The following CAMSAP1 variants were observed in gnomAD, a reference collection of about 807,000 sequenced individuals.
CAMSAP1 encodes the protein calmodulin-regulated spectrin-associated protein 1.
CAMSAP1 carries 58 observed loss-of-function variants against 143.5 expected under a neutral mutation model. That is an observed-to-expected ratio of 0.40 (90% CI 0.33 to 0.50). The LOEUF is 0.50. CAMSAP1 is among the 20% of genes least tolerant of loss of function. The probability of loss-of-function intolerance (pLI) is 0.45; values close to 1 mark genes in which losing one functional copy is unlikely to be tolerated. For missense variants in CAMSAP1, 1,969 were observed against 2,115.7 expected, an observed-to-expected ratio of 0.93 and a Z score of 1.36; for synonymous variants, 945 against 859.3, an observed-to-expected ratio of 1.10 and a Z score of -1.74.
intron 3 of CAMSAP1, among the ~76,000 whole-genome samples, chr9:135,875,600 C>T (rs1036905560): frequency 2.0e-5 from 3 of 152,168 alleles, no homozygotes; most frequent in East Asian, 1.9e-4. Context: ...ACACAAAGAT[C>T]GGTGGAACCG....
intron 7 of CAMSAP1, among the ~76,000 whole-genome samples, chr9:135,848,840 C>G (rs898864996): frequency 6.6e-6 from 1 of 152,226 alleles, no homozygotes; most frequent in African/African-American, 2.4e-5. Flanking sequence ...TGAGGATACA[C>G]CACAGGAATG....
chr9:135,815,151 G>T lies in CAMSAP1; in HGVS notation c.4452C>A (p.Ser1484=). The part of the protein sequence containing the change: ...SNKPIIHNAI[S]HCCLAGKVNE... ...TCACTTTTCCAGCCAGGCAGCAATGGGATATGGCATTGTGAATAATCGGCT... is the reference window on the plus strand; with the variant it reads ...TCACTTTTCCAGCCAGGCAGCAATGTGATATGGCATTGTGAATAATCGGCT... Residue 1484 remains serine, a synonymous_variant, in exon 16 of 17, where the codon TCC becomes TCA. Coordinates refer to ENST00000389532, the MANE Select transcript of CAMSAP1 (RefSeq NM_015447.4). 6.2e-7 allele frequency: 1 copy of T among 1,613,910 alleles called. No individual in the cohort carries two copies. Among genetic ancestry groups the T allele is most frequent in the Non-Finnish European group, 8.5e-7 (1 of 1,179,876 alleles).
intron 16 of CAMSAP1, among the ~76,000 whole-genome samples, chr9:135,812,885 G>A (rs985448413): frequency 3.9e-5 from 6 of 152,036 alleles, no homozygotes; most frequent in Admixed American, 3.3e-4. Flanking sequence ...AGTCTGGAGG[G>A]GTGGAGGTTG....
chr9:135,898,541 A>AT (rs1202414043), intron 1 of CAMSAP1, among the ~76,000 whole-genome samples: 1 of 152,166 alleles, frequency 6.6e-6, no homozygotes, highest in Admixed American at 6.5e-5. Context: ...CAAAACTAAA[A>AT]TTTAATTTTT....
rs1835030994 is a variant in CAMSAP1, at chr9:135,811,055, G to C, written c.*254C>G. The C allele has an allele frequency of 1.9e-6, 1 of 530,266 alleles. No homozygotes were observed. The highest frequency in any genetic ancestry group is 3.2e-5 in the Admixed American group (1 of 31,060). 32.8% of individuals were successfully genotyped at this position (530,266 alleles called of 1,614,324 possible). A position where few individuals can be genotyped will look rare whatever the true frequency, so the allele number is the denominator to read the frequency against. On this transcript the variant is annotated 3_prime_UTR_variant, in exon 17 of 17. Coordinates refer to ENST00000389532, the MANE Select transcript of CAMSAP1 (RefSeq NM_015447.4). This position sits in a 1 kb window ranked among gnomAD's most constrained non-coding sequence, Gnocchi z 4.9. ...AGTGGTCAGCAGTGGCCACAGCAGTGCGAGCCACTGCAAAAGCGGCATCTA... is the reference window on the plus strand; with the variant it reads ...AGTGGTCAGCAGTGGCCACAGCAGTCCGAGCCACTGCAAAAGCGGCATCTA...
intron 4 of CAMSAP1, chr9:135,865,296 C>T: frequency 1.9e-6 from 3 of 1,549,338 alleles, no homozygotes; most frequent in Non-Finnish European, 2.6e-6. Context: ...CAGGATGGCT[C>T]TGTAGATGGC....
Position 135,827,435 on chromosome 9 carries a change from A to G in CAMSAP1, c.1195T>C (p.Tyr399His), listed in dbSNP as rs114870456. ...TATTCAGGTTCTTCCGGGTGCAGGT[A>G]GTGCCTGTGACAGCCTTCCGCCGGC... ...QLPAEGCHRH[Y>H]LHPEEPEYLG... The change falls in exon 8 of 17, where the codon TAC becomes CAC. Residue 399 changes from tyrosine to histidine, a missense_variant. Transcript: ENST00000389532. 1,885 of 1,588,302 alleles carry G rather than the reference A, an allele frequency of 1.2e-3. 15 individuals carry two copies. In the African/African-American group the frequency reaches 0.022, roughly 18 times the overall value.
In CAMSAP1 at chr9:135,866,483, C is replaced by G; in HGVS notation, c.639G>C (p.Gln213His). Residue 213 changes from glutamine (Q) to histidine (H), a missense_variant, in exon 4 of 17, where the codon CAG (glutamine) becomes CAC (histidine). Around this residue, in one of 4 missense-constraint regions of CAMSAP1, gnomAD observed 221 missense variants for 298.2 expected, o/e 0.74. Transcript: ENST00000389532. ...ITEKEVKLKQ[Q>H]LLESPAHQKV... ...TTTGATGAGCTGGACTTTCCAATAA[C>G]TGTTGTTTTAATTTAACTTCTTTCT... 1 of 1,478,464 alleles carries G rather than the reference C, an allele frequency of 6.8e-7. No individual in the cohort carries two copies. The highest frequency in any genetic ancestry group is 9.3e-7 in the Non-Finnish European group (1 of 1,080,540). 91.6% of individuals were successfully genotyped at this position (1,478,464 alleles called of 1,614,324 possible).
intron 1 of CAMSAP1, among the ~76,000 whole-genome samples, chr9:135,897,112 G>A (rs545582094): frequency 6.6e-6 from 1 of 152,114 alleles, no homozygotes; most frequent in Non-Finnish European, 1.5e-5. Context: ...GAGGATTCCA[G>A]AAACAAAATA....
chr9:135,827,715 T>C (rs1835728188), intron 7 of CAMSAP1, 131 bp from the exon 8 acceptor site: 8 of 819,310 alleles, frequency 9.8e-6, no homozygotes, highest in Non-Finnish European at 1.4e-5. Context: ...AAAACTGGTT[T>C]CAAGTTTAAC....
intron 1 of CAMSAP1, among the ~76,000 whole-genome samples, chr9:135,885,329 C>T (rs1838088669): frequency 6.6e-6 from 1 of 152,212 alleles, no homozygotes; most frequent in African/African-American, 2.4e-5. Context: ...ATGTAGATGT[C>T]TGGGGGCACC....
At chr9:135,890,555 G>T (rs1054717581) in intron 1 of CAMSAP1, among the ~76,000 whole-genome samples, 2 of 152,066 alleles carry the variant, frequency 1.3e-5, no homozygotes, top group South Asian at 4.1e-4. Context: ...GCCCAATGAC[G>T]CCTACCACAT....
intron 3 of CAMSAP1, among the ~76,000 whole-genome samples, chr9:135,875,109 A>G (rs1837695963): frequency 6.6e-6 from 1 of 152,212 alleles, no homozygotes; most frequent in South Asian, 2.1e-4. Flanking sequence ...TCTAGCTTCA[A>G]TGCATTCCCA....
Position 135,818,146 on chromosome 9 carries a change from A to C in CAMSAP1, c.4169-67T>G. The C allele has an allele frequency of 1.3e-6, 2 of 1,501,900 alleles. No homozygotes were observed. The highest frequency in any genetic ancestry group is 3.6e-5 in the Admixed American group (2 of 55,110). The allele number at this position is 1,501,900 out of a possible 1,614,324, so 93.0% of individuals were successfully genotyped here. On this transcript the variant is annotated intron_variant, in intron 13 of 16. Coordinates refer to ENST00000389532, the MANE Select transcript of CAMSAP1 (RefSeq NM_015447.4). This position sits in a 1 kb window ranked among gnomAD's most constrained non-coding sequence, Gnocchi z 7.7. ...CGACAGACAAGTACCTGTCCCCTGT[A>C]CCTGTTCCCCTCACCTCGCCCTGCA...
At chr9:135,845,661 C>A (rs1294150778) in intron 7 of CAMSAP1, among the ~76,000 whole-genome samples, 1 of 152,242 alleles carries the variant, frequency 6.6e-6, no homozygotes, top group Non-Finnish European at 1.5e-5. Flanking sequence ...TAAGCAACTT[C>A]AGCAAGTCTC....
At chr9:135,866,571 T>C in intron 3 of CAMSAP1, 35 bp from the exon 4 acceptor site, 1 of 977,418 alleles carries the variant, frequency 1.0e-6, no homozygotes, top group Non-Finnish European at 1.6e-6. Context: ...AAGAGGTAAT[T>C]GCTGTCCCGC....
chr9:135,836,640 ACAT>A (rs1472532816), intron 7 of CAMSAP1: 11 of 983,452 alleles, frequency 1.1e-5, no homozygotes, highest in African/African-American at 1.8e-5. Flanking sequence ...CTACAGACAC[ACAT>A]CATCACGCAC....
intron 7 of CAMSAP1, among the ~76,000 whole-genome samples, chr9:135,838,697 C>G (rs1190445464): frequency 1.3e-5 from 2 of 150,814 alleles, no homozygotes; most frequent in East Asian, 4.0e-4. Context: ...CACGTCATCA[C>G]GCACTTTCCA....
At chr9:135,905,537 G>A (rs1838752024) in intron 1 of CAMSAP1, among the ~76,000 whole-genome samples, 1 of 152,192 alleles carries the variant, frequency 6.6e-6, no homozygotes. Context: ...CCCAGCCAGC[G>A]CCCACGAGCA....
Sources: gnomAD v4.1 joint callset for allele counts (sites outside exome capture counted in the v4.1 genomes callset) on GRCh38, gnomAD v4.1.1 for gene constraint, gnomAD v4.1.1 regional missense constraint, Gnocchi (gnomAD v3.1) non-coding constraint, MANE v1.5 for transcripts, NCBI Gene and HGNC (gene_info 2026-07-23, HGNC 2026-07-21) for gene names.